BRI3: variants seen among roughly 807,000 people sequenced by gnomAD.
BRI3 encodes membrane protein BRI3.
BRI3 carries 6 observed loss-of-function variants against 12.8 expected under a neutral mutation model. The ratio of observed to expected loss-of-function variants is 0.47; its 90% confidence interval spans 0.26 to 0.93. The LOEUF (loss-of-function observed/expected upper bound fraction) is 0.93, where lower values mean the gene tolerates loss of function less well. Among genes scored for constraint, BRI3 ranks in the 40% least tolerant of loss-of-function variants. BRI3 has a pLI of 0.15. For synonymous variants in BRI3, 91 were observed against 76.1 expected (o/e 1.20, Z -1.02); for missense variants, 134 against 171.1 (o/e 0.78, Z 1.21).
Position 98,291,101 on chromosome 7 carries a change from T to G in BRI3, c.246-10T>G, listed in dbSNP as rs925902801. The G allele has an allele frequency of 1.9e-6, 3 of 1,614,034 alleles. No individual in the cohort carries two copies. Among genetic ancestry groups the G allele is most frequent in the Non-Finnish European group, 1.7e-6 (2 of 1,179,984 alleles). ...TACGGTGCCACCCTCTCTGCCCGTCTCTGCTGCAGGGTTGGGGTGCTGGAG... is the reference window on the plus strand; with the variant it reads ...TACGGTGCCACCCTCTCTGCCCGTCGCTGCTGCAGGGTTGGGGTGCTGGAG... On this transcript the variant is annotated splice_polypyrimidine_tract_variant and intron_variant, in intron 2 of 2. Transcript: ENST00000297290.
In BRI3 at chr7:98,291,209, G is replaced by A. The variant is rs137943501; in HGVS notation, c.344G>A (p.Arg115Gln). 1.1e-5 allele frequency: 18 copies of A among 1,613,542 alleles called. No homozygotes were observed. Among genetic ancestry groups the A allele is most frequent in the Middle Eastern group, 1.8e-4 (1 of 5,628 alleles). ...GFICCFALRK[R>Q]RCPNCGATFA ...ATTTGCTGTTTTGCCTTGAGGAAGC[G>A]ACGATGCCCCAACTGTGGAGCCACC... is the stretch of plus-strand genomic sequence containing the variant. The change falls in exon 3 of 3, where the codon CGA becomes CAA. Residue 115 changes from arginine to glutamine, a missense_variant. Arg to Gln is a conservative substitution (Grantham distance 43). Transcript: ENST00000297290.
downstream of BRI3, among the ~76,000 whole-genome samples, chr7:98,296,137 C>T (rs183558963): frequency 3.3e-5 from 5 of 152,182 alleles, no homozygotes; most frequent in South Asian, 2.1e-4. Flanking sequence ...ACTGTCCCTA[C>T]GGGGCCACCC....
rs749140392 is a variant in BRI3, at chr7:98,291,105, C to T, written c.246-6C>T. On this transcript the variant is annotated splice_region_variant and splice_polypyrimidine_tract_variant and intron_variant, in intron 2 of 2. Coordinates refer to ENST00000297290, the MANE Select transcript of BRI3 (RefSeq NM_015379.5). Reference sequence around the variant, plus strand: ...GTGCCACCCTCTCTGCCCGTCTCTGCTGCAGGGTTGGGGTGCTGGAGGACT... The same window carrying T: ...GTGCCACCCTCTCTGCCCGTCTCTGTTGCAGGGTTGGGGTGCTGGAGGACT... The T allele has an allele frequency of 9.3e-6, 15 of 1,614,008 alleles. No individual in the cohort carries two copies. The Admixed American group carries it at 1.7e-4, about 18-fold the overall frequency.
downstream of BRI3, chr7:98,292,692 T>TCA (rs1474678342): frequency 1.1e-5 from 17 of 1,551,514 alleles, no homozygotes; most frequent in Non-Finnish European, 1.5e-5. Context: ...TGTACCTGAT[T>TCA]CAAACACGGA....
chr7:98,287,249 T>C (rs143229589), intron 2 of BRI3, among the ~76,000 whole-genome samples: 2,041 of 151,820 alleles, frequency 0.013, 57 homozygotes, highest in African/African-American at 0.047. Flanking sequence ...CTTTAAGCGG[T>C]GTGGAGGTGG....
chr7:98,313,792 CTTTT>C (rs543402978), downstream of BRI3, among the ~76,000 whole-genome samples: 1 of 132,934 alleles, frequency 7.5e-6, no homozygotes, highest in African/African-American at 2.7e-5. Flanking sequence ...CTAATTAAAA[CTTTT>C]TTTTTTTTTT....
At chr7:98,315,330 G>T, downstream of BRI3, 1 of 819,268 alleles carries the variant, frequency 1.2e-6, no homozygotes, top group Non-Finnish European at 1.7e-6. Flanking sequence ...GTTTTGCCAT[G>T]TTGCCCAGGC....
At chr7:98,289,525 C>T (rs748268855) in intron 2 of BRI3, among the ~76,000 whole-genome samples, 1 of 152,240 alleles carries the variant, frequency 6.6e-6, no homozygotes, top group Non-Finnish European at 1.5e-5. Context: ...GCTTCCCTGT[C>T]GCAGGCAGGC....
At chr7:98,304,453 C>G (rs1025236833), upstream of BRI3, 8 of 1,440,108 alleles carry the variant, frequency 5.6e-6, no homozygotes, top group Non-Finnish European at 6.7e-6. Context: ...GTGTCCCTGA[C>G]CAAGGACAAC....
chr7:98,299,750 A>G (rs1212852628), intron 1 of BRI3, among the ~76,000 whole-genome samples: 1 of 152,138 alleles, frequency 6.6e-6, no homozygotes, highest in Non-Finnish European at 1.5e-5. Context: ...GGCTACTTAA[A>G]ATAAAATTTG....
chr7:98,306,721 T>A, intron 1 of BRI3: 2 of 731,546 alleles, frequency 2.7e-6, no homozygotes, highest in Non-Finnish European at 4.2e-6. Context: ...AATTTTTTTT[T>A]AATAGAGACA....
chr7:98,291,151 T>TTCCTGGCCATCA lies in BRI3; in HGVS notation c.291_302dup (p.Ala98_Leu101dup), dbSNP rs1446473628. On this transcript the variant is annotated inframe_insertion, in exon 3 of 3. Transcript: ENST00000297290. ...GGACTGCTTCACCTTCCTGGGCATC[T>TTCCTGGCCATCA]TCCTGGCCATCATCCTCTTCCCCTT... 2 of 1,614,210 alleles carry TTCCTGGCCATCA rather than the reference T, an allele frequency of 1.2e-6. No individual in the cohort carries two copies. The highest frequency in any genetic ancestry group is 2.7e-5 in the African/African-American group (2 of 75,060).
downstream of BRI3, among the ~76,000 whole-genome samples, chr7:98,294,297 T>G (rs544614541): frequency 6.6e-6 from 1 of 152,302 alleles, no homozygotes; most frequent in East Asian, 1.9e-4. Flanking sequence ...CTGGCCTGTA[T>G]TGGAGATTTT....
intron 2 of BRI3, 175 bp downstream of exon 2, chr7:98,282,628 G>T (rs1465777337): frequency 1.5e-5 from 9 of 604,836 alleles, no homozygotes; most frequent in Non-Finnish European, 2.6e-5. Flanking sequence ...GGAGAGTGCG[G>T]GTCCGCTCAC....
chr7:98,300,415 G>A (rs1033054859), intron 1 of BRI3, among the ~76,000 whole-genome samples: 1 of 152,244 alleles, frequency 6.6e-6, no homozygotes, highest in Non-Finnish European at 1.5e-5. Context: ...CTGGATGCGG[G>A]TGACAGTTGC....
the BRI3 span, among the ~76,000 whole-genome samples, chr7:98,315,846 G>C: frequency 1.3e-5 from 2 of 152,218 alleles, no homozygotes; most frequent in African/African-American, 2.4e-5. Flanking sequence ...ACATTCCCAC[G>C]GGGCAATTTG....
Position 98,291,231 on chromosome 7 carries a change from C to T in BRI3, c.366C>T (p.Ala122=). ...LRKRRCPNCG[A]TFA is the part of the protein sequence containing the mutation. ...AGCGACGATGCCCCAACTGTGGAGC[C>T]ACCTTCGCTTAAAGGGAACACCAGG... The change falls in exon 3 of 3, where the codon GCC becomes GCT. Residue 122 remains alanine (A), a synonymous_variant. Coordinates refer to ENST00000297290, the MANE Select transcript of BRI3 (RefSeq NM_015379.5). 1 of 1,613,248 alleles carries T rather than the reference C, an allele frequency of 6.2e-7. No homozygotes were observed. The highest frequency in any genetic ancestry group is 8.5e-7 in the Non-Finnish European group (1 of 1,180,040).
At chr7:98,315,476 T>A in the BRI3 span, 4 of 1,495,568 alleles carry the variant, frequency 2.7e-6, no homozygotes, top group Non-Finnish European at 3.6e-6. Context: ...GTGATAATAA[T>A]GTATGTGGTT....
At chr7:98,282,612 G>A (rs1232509375) in intron 2 of BRI3, 159 bp downstream of exon 2, 3 of 637,984 alleles carry the variant, frequency 4.7e-6, no homozygotes, top group Non-Finnish European at 8.3e-6. Flanking sequence ...GCCCGAATGC[G>A]GTGTGGGAGA....
Sources: allele counts gnomAD v4.1 joint callset (sites outside exome capture counted in the v4.1 genomes callset), GRCh38; gene constraint gnomAD v4.1.1; transcripts MANE v1.5; gene names NCBI Gene and HGNC (gene_info 2026-07-23, HGNC 2026-07-21).